The following TMEM132C variants were observed in gnomAD, a reference collection of about 807,000 sequenced individuals.
TMEM132C encodes transmembrane protein 132C.
Under a neutral mutation model 61.4 loss-of-function variants are expected in TMEM132C, and 29 were observed. The observed-to-expected ratio is 0.47, with a 90% CI of 0.35 to 0.64. The LOEUF is 0.64. Among genes scored for constraint, TMEM132C ranks in the 30% least tolerant of loss-of-function variants. The probability of loss-of-function intolerance (pLI) is 0.00; values close to 1 mark genes in which losing one functional copy is unlikely to be tolerated. For missense variants in TMEM132C, 1,408 were observed against 1,476.9 expected (o/e 0.95, Z 0.76); for synonymous variants, 656 against 633.1 (o/e 1.04, Z -0.54).
intron 2 of TMEM132C, among the ~76,000 whole-genome samples, chr12:128,507,043 A>G (rs1872386573): frequency 6.6e-6 from 1 of 152,062 alleles, no homozygotes; most frequent in Non-Finnish European, 1.5e-5. Flanking sequence ...CCAGGGAAAA[A>G]GAAGTCCTGG....
chr12:128,367,563 C>T (rs1309978034), intron 1 of TMEM132C, among the ~76,000 whole-genome samples: 1 of 152,086 alleles, frequency 6.6e-6, no homozygotes, highest in African/African-American at 2.4e-5. Flanking sequence ...GGCACTGCCC[C>T]TAGCAAGCGC....
intron 2 of TMEM132C, among the ~76,000 whole-genome samples, chr12:128,473,629 T>G (rs1871057755): frequency 6.9e-6 from 1 of 144,908 alleles, no homozygotes; most frequent in Non-Finnish European, 1.5e-5. Context: ...AGCCTCTGTC[T>G]TCATCTTCAC....
intron 3 of TMEM132C, among the ~76,000 whole-genome samples, chr12:128,582,309 G>A (rs1170017601): frequency 2.0e-5 from 3 of 152,058 alleles, no homozygotes; most frequent in African/African-American, 7.2e-5. Flanking sequence ...TTCATTTCAG[G>A]TCAGTGTCAA....
chr12:128,359,980 A>T (rs1873645992), intron 1 of TMEM132C, among the ~76,000 whole-genome samples: 1 of 152,218 alleles, frequency 6.6e-6, no homozygotes, highest in African/African-American at 2.4e-5. Context: ...AATTTTTAAA[A>T]TTTTAAATTT....
At chr12:128,513,485 A>G (rs1337032551) in intron 2 of TMEM132C, among the ~76,000 whole-genome samples, 2 of 152,182 alleles carry the variant, frequency 1.3e-5, no homozygotes, top group Non-Finnish European at 2.9e-5. Context: ...CGCTTTCTGC[A>G]GGGACACTTC....
At chr12:128,516,628 T>G (rs1001531311) in intron 2 of TMEM132C, among the ~76,000 whole-genome samples, 3 of 151,894 alleles carry the variant, frequency 2.0e-5, no homozygotes, top group African/African-American at 7.3e-5. Flanking sequence ...AAAAAAAGAT[T>G]GAGTCAGACA....
At chr12:128,273,550 C>T (rs753021405) in intron 1 of TMEM132C, among the ~76,000 whole-genome samples, 34 of 152,146 alleles carry the variant, frequency 2.2e-4, no homozygotes, top group Non-Finnish European at 1.8e-4. Context: ...TGTAATTATT[C>T]ATCTATTTGT....
chr12:128,451,915 C>G (rs1254252156), intron 2 of TMEM132C, among the ~76,000 whole-genome samples: 1 of 151,682 alleles, frequency 6.6e-6, no homozygotes, highest in African/African-American at 2.4e-5. Flanking sequence ...GGACGACCAC[C>G]AGACAACAAA....
chr12:128,553,798 A>G (rs1201075390), intron 3 of TMEM132C, among the ~76,000 whole-genome samples: 1 of 152,130 alleles, frequency 6.6e-6, no homozygotes, highest in Non-Finnish European at 1.5e-5. Flanking sequence ...TTCACACCCA[A>G]CATAGAAATT....
intron 3 of TMEM132C, among the ~76,000 whole-genome samples, chr12:128,582,849 A>G (rs779151885): frequency 6.6e-6 from 1 of 152,080 alleles, no homozygotes; most frequent in Non-Finnish European, 1.5e-5. Context: ...ATCTTAGCTC[A>G]CTGCAGCCTC....
intron 1 of TMEM132C, among the ~76,000 whole-genome samples, chr12:128,343,478 C>T (rs950583232): frequency 6.6e-6 from 1 of 150,922 alleles, no homozygotes; most frequent in African/African-American, 2.4e-5. Context: ...CCTAAAGTAA[C>T]TCTATACTGT....
chr12:128,325,357 T>C (rs930946375), intron 1 of TMEM132C, among the ~76,000 whole-genome samples: 2 of 152,126 alleles, frequency 1.3e-5, no homozygotes, highest in Non-Finnish European at 2.9e-5. Context: ...ACATGAACAT[T>C]GAATCTGCCA....
chr12:128,691,550 A>G (rs117556612), intron 5 of TMEM132C, among the ~76,000 whole-genome samples: 2,395 of 152,130 alleles, frequency 0.016, 60 homozygotes, highest in East Asian at 0.11. Flanking sequence ...CCATCCATCC[A>G]TCCGTGCATC....
intron 2 of TMEM132C, among the ~76,000 whole-genome samples, chr12:128,523,359 T>C (rs992979584): frequency 6.6e-6 from 1 of 152,226 alleles, no homozygotes; most frequent in African/African-American, 2.4e-5. Context: ...CTTGCAATAC[T>C]GTGCCGATGC....
At chr12:128,673,066 C>A (rs777985622) in intron 5 of TMEM132C, among the ~76,000 whole-genome samples, 3 of 152,158 alleles carry the variant, frequency 2.0e-5, no homozygotes, top group African/African-American at 7.2e-5. Context: ...TGTAGTGGAT[C>A]GGGTTTCAGG....
chr12:128,311,261 C>T (rs2135926919), intron 1 of TMEM132C, among the ~76,000 whole-genome samples: 1 of 152,326 alleles, frequency 6.6e-6, no homozygotes, highest in South Asian at 2.1e-4. Flanking sequence ...TTCTTTCTAG[C>T]CACCCCTTAT....
At chr12:128,622,679 G>A (rs1400015798) in intron 4 of TMEM132C, among the ~76,000 whole-genome samples, 2 of 151,976 alleles carry the variant, frequency 1.3e-5, no homozygotes, top group East Asian at 3.9e-4. Flanking sequence ...GGGGTCCGTG[G>A]GGAAGCGCGT....
chr12:128,685,091 C>G (rs961065832), intron 5 of TMEM132C, among the ~76,000 whole-genome samples: 3 of 152,184 alleles, frequency 2.0e-5, no homozygotes, highest in Non-Finnish European at 4.4e-5. Flanking sequence ...TGGGAAGCCT[C>G]CTAAATCCGG....
At chr12:128,680,495 T>G (rs1053925526) in intron 5 of TMEM132C, among the ~76,000 whole-genome samples, 1 of 152,180 alleles carries the variant, frequency 6.6e-6, no homozygotes, top group East Asian at 1.9e-4. Context: ...ACTATTTAAA[T>G]TAGTTAGAAT....
Sources: allele counts gnomAD v4.1 joint callset (sites outside exome capture counted in the v4.1 genomes callset), GRCh38; gene constraint gnomAD v4.1.1; transcripts MANE v1.5; gene names NCBI Gene and HGNC (gene_info 2026-07-23, HGNC 2026-07-21).